Variants in BRD10 observed in about 807,000 individuals in gnomAD.
The protein encoded by BRD10 is bromodomain containing 10, also known as uncharacterized bromodomain-containing protein 10.
the BRD10 span, chr9:5,920,004 C>T: frequency 1.4e-5 from 23 of 1,613,794 alleles, no homozygotes; most frequent in Admixed American, 2.0e-4. Flanking sequence ...ACTGTTGGTA[C>T]AGGAGGTGGA....
the BRD10 span, among the ~76,000 whole-genome samples, chr9:5,985,580 G>C: frequency 1.3e-5 from 2 of 152,158 alleles, no homozygotes; most frequent in East Asian, 1.9e-4. Context: ...GAGGTTGGGA[G>C]TTCAAGACCA....
At chr9:5,889,276 A>G in the BRD10 span, among the ~76,000 whole-genome samples, 1 of 152,190 alleles carries the variant, frequency 6.6e-6, no homozygotes, top group Admixed American at 6.5e-5. Context: ...CTCATCTGCC[A>G]TATTCACCTG....
the BRD10 span, among the ~76,000 whole-genome samples, chr9:5,887,383 C>T: frequency 1.3e-5 from 2 of 152,178 alleles, no homozygotes; most frequent in Non-Finnish European, 2.9e-5. Flanking sequence ...TGCCAGCTGC[C>T]TGTTGTCTCC....
chr9:5,922,634 G>A, the BRD10 span: 2 of 1,613,918 alleles, frequency 1.2e-6, no homozygotes, highest in Non-Finnish European at 1.7e-6. Flanking sequence ...CACTTCTTTT[G>A]CAACTGCTTT....
the BRD10 span, among the ~76,000 whole-genome samples, chr9:5,880,182 G>A: frequency 2.6e-5 from 4 of 151,462 alleles, no homozygotes; most frequent in Non-Finnish European, 5.9e-5. Context: ...GCCTCCCAAA[G>A]TGCTGGGATT....
the BRD10 span, among the ~76,000 whole-genome samples, chr9:5,976,522 A>G: frequency 6.6e-6 from 1 of 152,214 alleles, no homozygotes; most frequent in Admixed American, 6.5e-5. Flanking sequence ...TAATCTTGTC[A>G]TAATTAATCC....
the BRD10 span, among the ~76,000 whole-genome samples, chr9:5,999,464 G>C: frequency 6.6e-6 from 1 of 152,144 alleles, no homozygotes; most frequent in East Asian, 1.9e-4. Flanking sequence ...GAAAATTAAA[G>C]GATGGGAAAA....
the BRD10 span, among the ~76,000 whole-genome samples, chr9:5,960,006 T>C: frequency 1.3e-5 from 2 of 152,228 alleles, no homozygotes; most frequent in Non-Finnish European, 2.9e-5. Context: ...GCTCGTGTTA[T>C]TCAACATTTT....
chr9:5,921,692 G>A, the BRD10 span: 2 of 1,613,874 alleles, frequency 1.2e-6, no homozygotes, highest in Non-Finnish European at 1.7e-6. Context: ...TTTAGTTGGA[G>A]TATGAATAAT....
the BRD10 span, chr9:5,908,558 T>G: frequency 8.5e-7 from 1 of 1,181,502 alleles, no homozygotes; most frequent in Non-Finnish European, 1.3e-6. Context: ...AGTATAAATA[T>G]GTTAACTATT....
chr9:5,965,254 T>C, the BRD10 span, among the ~76,000 whole-genome samples: 1 of 151,980 alleles, frequency 6.6e-6, no homozygotes, highest in Admixed American at 6.6e-5. Flanking sequence ...CCAAAGCGTA[T>C]TCTACAGAAT....
the BRD10 span, among the ~76,000 whole-genome samples, chr9:5,995,660 A>G: frequency 0.04 from 6,043 of 152,210 alleles, 164 homozygotes; most frequent in Middle Eastern, 0.071. Context: ...TTCAGTTCTT[A>G]TTTTAGTCAA....
chr9:5,942,577 G>C, the BRD10 span, among the ~76,000 whole-genome samples: 1 of 152,136 alleles, frequency 6.6e-6, no homozygotes, highest in Admixed American at 6.5e-5. Flanking sequence ...CTATGTGGCT[G>C]TTTCATTGGT....
chr9:5,883,540 A>C, the BRD10 span, among the ~76,000 whole-genome samples: 17 of 139,436 alleles, frequency 1.2e-4, no homozygotes, highest in East Asian at 3.4e-3. Flanking sequence ...ATCATAGCTC[A>C]CTACAACCTC....
chr9:5,980,035 A>G, the BRD10 span, among the ~76,000 whole-genome samples: 1 of 152,040 alleles, frequency 6.6e-6, no homozygotes, highest in Non-Finnish European at 1.5e-5. Flanking sequence ...AAAAGAAAAA[A>G]AAAAAAGAAG....
chr9:5,900,062 A>C, the BRD10 span, among the ~76,000 whole-genome samples: 1 of 152,368 alleles, frequency 6.6e-6, no homozygotes, highest in South Asian at 2.1e-4. Context: ...CAAGAAGTAA[A>C]GCTATACAAA....
At chr9:5,883,099 G>A in the BRD10 span, among the ~76,000 whole-genome samples, 1 of 151,988 alleles carries the variant, frequency 6.6e-6, no homozygotes, top group Non-Finnish European at 1.5e-5. Flanking sequence ...CATGGCACAT[G>A]TATACATATG....
chr9:5,909,074 T>C, the BRD10 span: 5 of 275,954 alleles, frequency 1.8e-5, no homozygotes, highest in South Asian at 2.1e-4. Context: ...TAGTCAGGTT[T>C]TCGAACCTTG....
the BRD10 span, among the ~76,000 whole-genome samples, chr9:5,965,186 G>C: frequency 4.6e-5 from 7 of 151,304 alleles, 1 homozygote; most frequent in South Asian, 1.5e-3. Flanking sequence ...ACCACATGTA[G>C]AACTTAGTCC....
Sources: gnomAD v4.1 joint callset for allele counts (sites outside exome capture counted in the v4.1 genomes callset) on GRCh38, gnomAD v4.1.1 for gene constraint, MANE v1.5 for transcripts, NCBI Gene and HGNC (gene_info 2026-07-23, HGNC 2026-07-21) for gene names.